ABCB8: variants seen among roughly 807,000 people sequenced by gnomAD.
ABCB8 encodes ATP binding cassette subfamily B member 8, also known as mitochondrial potassium channel ATP-binding subunit.
Under a neutral mutation model 73.0 loss-of-function variants are expected in ABCB8, and 52 were observed. The ratio of observed to expected loss-of-function variants is 0.71; its 90% confidence interval spans 0.57 to 0.90. The LOEUF (loss-of-function observed/expected upper bound fraction) is 0.90, where lower values mean the gene tolerates loss of function less well. Ranked by LOEUF, ABCB8 falls within the 40% of genes least tolerant of loss-of-function variation. The pLI, the probability that ABCB8 is intolerant of heterozygous loss-of-function variation, is 0.00. For missense variants in ABCB8, 909 were observed against 974.6 expected, an observed-to-expected ratio of 0.93 and a Z score of 0.90; for synonymous variants, 428 against 423.5, an observed-to-expected ratio of 1.01 and a Z score of -0.13.
At position 151,036,245 on chromosome 7, in the gene ABCB8, G is replaced by T; in HGVS notation, c.1111+75G>T. The T allele has an allele frequency of 2.8e-6, 4 of 1,410,032 alleles. No individual in the cohort carries two copies. In the Admixed American group the frequency reaches 6.6e-5, roughly 23 times the overall value. The allele number at this position is 1,410,032 out of a possible 1,614,324, so 87.3% of individuals were successfully genotyped here. On this transcript the variant is annotated intron_variant, in intron 8 of 15. Coordinates refer to ENST00000358849, the MANE Select transcript of ABCB8 (RefSeq NM_007188.5). ...GCTGGGAGCAGCCAAGGCAGGCAAA[G>T]GCCCTCCCTTCATCTGCTGGCTGCC...
At chr7:151,029,125 CCT>C (rs1355400291) in intron 1 of ABCB8, 4 of 541,004 alleles carry the variant, frequency 7.4e-6, no homozygotes, top group Non-Finnish European at 1.0e-5. Flanking sequence ...CATGGCAAAA[CCT>C]CGTCTCTACT....
chr7:151,045,328 GA>G lies in ABCB8; in HGVS notation c.2137del (p.Ser713AlafsTer34). The G allele has an allele frequency of 6.3e-7, 1 of 1,588,994 alleles. No homozygotes were observed. On this transcript the variant is annotated frameshift_variant, in exon 16 of 16. Transcript: ENST00000358849. LOFTEE classifies it high-confidence loss of function. The part of the protein sequence containing the change: ...PPPKKPEGPR[S>X]HQHKS ...CGCCCAAAAAGCCAGAAGGCCCCAG[GA>G]GCCACCAGCACAAGTCCTGAGAAGG...
chr7:151,035,679 G>C lies in ABCB8; in HGVS notation c.864G>C (p.Leu288=). The part of the protein sequence containing the change: ...TLLLMVATPA[L]MGVGTLMGSG... ...TGCTGATGGTGGCCACACCAGCCCT[G>C]ATGGGAGTGGGCACCCTGATGGGCT... The change falls in exon 6 of 16, where the codon CTG becomes CTC. Residue 288 remains leucine, a synonymous_variant. Transcript: ENST00000358849. 6.2e-7 allele frequency: 1 copy of C among 1,613,670 alleles called. No individual in the cohort carries two copies. Among genetic ancestry groups the C allele is most frequent in the South Asian group, 1.1e-5 (1 of 91,080 alleles).
At position 151,044,020 on chromosome 7, in the gene ABCB8, C is replaced by T. The variant is rs772265141; in HGVS notation, c.1815C>T (p.Ile605=). 2.4e-5 allele frequency: 39 copies of T among 1,612,866 alleles called. No homozygotes were observed. Among genetic ancestry groups the T allele is most frequent in the East Asian group, 4.5e-5 (2 of 44,884 alleles). ...GGGGCCAGAAGCAGCGCCTGGCCAT[C>T]GCCCGAGCCCTTATCAAGCAGCCCA... ...LSGGQKQRLA[I]ARALIKQPTV... Residue 605 remains isoleucine, a synonymous_variant, in exon 15 of 16, where the codon ATC becomes ATT. Coordinates refer to ENST00000358849, the MANE Select transcript of ABCB8 (RefSeq NM_007188.5).
chr7:151,040,706 G>C, intron 11 of ABCB8, 72 bp downstream of exon 11: 2 of 1,600,258 alleles, frequency 1.2e-6, no homozygotes, highest in Non-Finnish European at 1.7e-6. Flanking sequence ...CGGGGGTGGA[G>C]GTCTGGACTA....
chr7:151,029,087 G>C, intron 1 of ABCB8: 1 of 906,394 alleles, frequency 1.1e-6, no homozygotes, highest in Non-Finnish European at 1.4e-6. Flanking sequence ...ACTTTGGAAG[G>C]CCAGGAGTTC....
chr7:151,037,757 A>C, intron 9 of ABCB8: 1 of 231,488 alleles, frequency 4.3e-6, no homozygotes, highest in South Asian at 6.0e-5. Context: ...CCGGATCAGA[A>C]CCCCTCACTG....
rs772519857 is a variant in ABCB8 at position 151,040,613 on chromosome 7, C to A, written c.1367C>A (p.Thr456Lys). The A allele has an allele frequency of 5.6e-6, 9 of 1,612,910 alleles. No individual in the cohort carries two copies. Among genetic ancestry groups the A allele is most frequent in the Middle Eastern group, 1.7e-4 (1 of 6,058 alleles). Residue 456 changes from threonine to lysine, a missense_variant, in exon 11 of 16, where the codon ACA becomes AAA. Thr to Lys is a moderately conservative substitution (Grantham distance 78). Transcript: ENST00000358849. ...VPKEQLRGSVTFQNVCFSYPC... is the reference protein window; with the variant it reads ...VPKEQLRGSVKFQNVCFSYPC... ...AAAGAGCAGCTGCGTGGCTCCGTTA[C>A]ATTTCAGAACGTCTGCTTCAGGTCA...
Position 151,034,734 on chromosome 7 carries a change from A to T in ABCB8, c.670A>T (p.Thr224Ser), listed in dbSNP as rs1462741267. 1.9e-6 allele frequency: 3 copies of T among 1,613,922 alleles called. No individual in the cohort carries two copies. The Admixed American group carries it at 5.0e-5, about 27-fold the overall frequency. ...CTTGTCCCATGCCAGACAAGACATC[A>T]CCTTCTTTGACGCCAATAAGACAGG... Reference protein sequence around the residue: ...LFSSLLRQDITFFDANKTGQL... With the variant: ...LFSSLLRQDISFFDANKTGQL... The change falls in exon 5 of 16, where the codon ACC (threonine) becomes TCC (serine). Residue 224 changes from threonine (T) to serine (S), a missense_variant. Physicochemically the swap from Thr to Ser is moderately conservative, Grantham distance 58 (BLOSUM62 1). Transcript: ENST00000358849.
Position 151,045,508 on chromosome 7 carries a change from C to T in ABCB8, c.*159C>T. 4.3e-6 allele frequency: 4 copies of T among 937,338 alleles called. No homozygotes were observed. Among genetic ancestry groups the T allele is most frequent in the Non-Finnish European group, 5.7e-6 (4 of 697,190 alleles). The allele number at this position is 937,338 out of a possible 1,614,324, so 58.1% of individuals were successfully genotyped here. ...AATAAAGCCGGGGCCGAGCAGCTGG[C>T]AGGGGAGGCCAATCCCTCCCTCCCC... On this transcript the variant is annotated 3_prime_UTR_variant, in exon 16 of 16. Transcript: ENST00000358849.
chr7:151,035,549 C>G (rs749938933), intron 5 of ABCB8, 32 bp from the exon 6 acceptor site: 1 of 1,562,316 alleles, frequency 6.4e-7, no homozygotes, highest in South Asian at 1.2e-5. Flanking sequence ...GTGCGGACGC[C>G]GTAGCCTCCC....
chr7:151,042,533 T>C (rs921030729), intron 14 of ABCB8, among the ~76,000 whole-genome samples: 3 of 152,338 alleles, frequency 2.0e-5, no homozygotes, highest in Admixed American at 2.0e-4. Flanking sequence ...GTTTCCTTCC[T>C]GTGCTTTTCA....
chr7:151,033,834 C>T lies in ABCB8; in HGVS notation c.325C>T (p.His109Tyr), dbSNP rs945632905. The T allele has an allele frequency of 1.2e-6, 2 of 1,614,006 alleles. No homozygotes were observed. Among genetic ancestry groups the T allele is most frequent in the Admixed American group, 3.3e-5 (2 of 60,010 alleles). ...EEAPPASSTP[H>Y]VVGSRFNWKL... ...GGCCCCTCCTGCCAGCTCCACACCC[C>T]ATGTCGTGGGGTCTCGCTTTAACTG... Residue 109 changes from histidine (H) to tyrosine (Y), a missense_variant, in exon 2 of 16, where the codon CAT becomes TAT. Coordinates refer to ENST00000358849, the MANE Select transcript of ABCB8 (RefSeq NM_007188.5).
Position 151,033,927 on chromosome 7 carries a change from T to TC in ABCB8, c.408+14dup. On this transcript the variant is annotated intron_variant, in intron 2 of 15. Transcript: ENST00000358849. ...GGGGGTAGCCGTCGTGGTGAGGCTT[T>TC]CCCCACTTCTCCATCCTGGGGACAG... is the stretch of plus-strand genomic sequence containing the variant. 6.4e-7 allele frequency: 1 copy of TC among 1,572,134 alleles called. No individual in the cohort carries two copies. The highest frequency in any genetic ancestry group is 1.7e-5 in the Admixed American group (1 of 57,184).
At position 151,028,455 on chromosome 7, in the gene ABCB8, G is replaced by T. The variant is rs367544227; in HGVS notation, c.-61G>T. On this transcript the variant is annotated 5_prime_UTR_variant, in exon 1 of 16. Coordinates refer to ENST00000358849, the MANE Select transcript of ABCB8 (RefSeq NM_007188.5). ...GGATGGGGGCGGGAGCCAACATAGA[G>T]CCCTCAGTGGGATGAGGGTGAAACT... The T allele has an allele frequency of 7.7e-6, 12 of 1,549,478 alleles. No homozygotes were observed. In the East Asian group the frequency reaches 1.2e-4, roughly 15 times the overall value.
rs1381085786 is a variant in ABCB8 at position 151,034,274 on chromosome 7, TG to T, written c.412del (p.Ala138ProfsTer7). Reference protein sequence around the residue: ...HLLVLGVAVVLALGAALVNVQ... With the variant: ...HLLVLGVAVVXALGAALVNVQ... ...GTGCCCTCTGTCTCCCCATTCCAGCTGGCCTTGGGTGCGGCACTCGTGAATG... is the reference window on the plus strand; with the variant it reads ...GTGCCCTCTGTCTCCCCATTCCAGCTGCCTTGGGTGCGGCACTCGTGAATG... On this transcript the variant is annotated frameshift_variant and splice_region_variant, in exon 3 of 16. Transcript: ENST00000358849. LOFTEE classifies it high-confidence loss of function. The T allele has an allele frequency of 6.2e-7, 1 of 1,610,698 alleles. No homozygotes were observed. Among genetic ancestry groups the T allele is most frequent in the South Asian group, 1.1e-5 (1 of 90,862 alleles).
rs762978153 is a variant in ABCB8, at chr7:151,035,638, A to G, written c.823A>G (p.Thr275Ala). ...CCTGGTGTCCCTGTCCATGCTGTCG[A>G]CACGCCTCACGCTGCTGCTGATGGT... ...GCLVSLSMLS[T>A]RLTLLLMVAT... Residue 275 changes from threonine to alanine, a missense_variant, in exon 6 of 16, where the codon ACA becomes GCA. Coordinates refer to ENST00000358849, the MANE Select transcript of ABCB8 (RefSeq NM_007188.5). 21 of 1,610,922 alleles carry G rather than the reference A, an allele frequency of 1.3e-5. No homozygotes were observed. Among genetic ancestry groups the G allele is most frequent in the Non-Finnish European group, 1.8e-5 (21 of 1,177,964 alleles).
intron 14 of ABCB8, 57 bp downstream of exon 14, chr7:151,042,165 A>T: frequency 6.2e-7 from 1 of 1,600,296 alleles, no homozygotes; most frequent in Non-Finnish European, 8.5e-7. Flanking sequence ...ACAGGATTCC[A>T]CAGGAGCAGT....
Position 151,028,461 on chromosome 7 carries a change from A to C in ABCB8, c.-55A>C, listed in dbSNP as rs768802853. Reference sequence around the variant, plus strand: ...GGGCGGGAGCCAACATAGAGCCCTCAGTGGGATGAGGGTGAAACTGCTATT... The same window carrying C: ...GGGCGGGAGCCAACATAGAGCCCTCCGTGGGATGAGGGTGAAACTGCTATT... On this transcript the variant is annotated 5_prime_UTR_variant, in exon 1 of 16. Transcript: ENST00000358849. The C allele has an allele frequency of 3.8e-6, 6 of 1,563,256 alleles. No homozygotes were observed. The highest frequency in any genetic ancestry group is 2.4e-5 in the South Asian group (2 of 83,998).
Sources: gnomAD v4.1 joint callset for allele counts (sites outside exome capture counted in the v4.1 genomes callset) on GRCh38, gnomAD v4.1.1 for gene constraint, MANE v1.5 for transcripts, NCBI Gene and HGNC (gene_info 2026-07-23, HGNC 2026-07-21) for gene names.